The following CCSER1 variants were observed in gnomAD, a reference collection of about 807,000 sequenced individuals.
CCSER1 encodes the protein coiled-coil serine rich protein 1.
A neutral mutation model predicts 82.0 loss-of-function variants in CCSER1; 41 were observed. The observed-to-expected ratio is 0.50, with a 90% CI of 0.39 to 0.65. The LOEUF (loss-of-function observed/expected upper bound fraction) is 0.65. Among genes scored for constraint, CCSER1 ranks in the 30% least tolerant of loss-of-function variants. The pLI, the probability that CCSER1 is intolerant of heterozygous loss-of-function variation, is 0.00. For missense variants in CCSER1, 1,119 were observed against 1,064.2 expected, an observed-to-expected ratio of 1.05 and a Z score of -0.72; for synonymous variants, 414 against 383.9, an observed-to-expected ratio of 1.08 and a Z score of -0.92.
At chr4:91,459,911 C>T (rs962383143) in intron 10 of CCSER1, among the ~76,000 whole-genome samples, 1 of 152,044 alleles carries the variant, frequency 6.6e-6, no homozygotes, top group African/African-American at 2.4e-5. Context: ...AGCTCCTCAC[C>T]TTGCTTGTTA....
At chr4:90,553,965 C>T (rs893220672) in intron 5 of CCSER1, among the ~76,000 whole-genome samples, 7 of 152,100 alleles carry the variant, frequency 4.6e-5, no homozygotes, top group Admixed American at 4.6e-4. Context: ...GAACTCTAGA[C>T]GTACTAGGTA....
chr4:91,281,695 C>T (rs1043346962), intron 10 of CCSER1, among the ~76,000 whole-genome samples: 1 of 152,126 alleles, frequency 6.6e-6, no homozygotes, highest in Non-Finnish European at 1.5e-5. Context: ...TGTGACTTTC[C>T]TGTGATTTAT....
At chr4:90,256,569 C>T (rs1723323755) in intron 1 of CCSER1, among the ~76,000 whole-genome samples, 1 of 152,056 alleles carries the variant, frequency 6.6e-6, no homozygotes, top group African/African-American at 2.4e-5. Flanking sequence ...TGTGAGTAGG[C>T]TGTCAGCAGA....
rs569884705 is a variant in CCSER1, at chr4:91,179,497, A to G, written c.2217+93503A>G. 6.4e-4 allele frequency among the ~76,000 whole-genome samples: 98 copies of G among 152,172 alleles called. 1 individual carries two copies. The highest frequency in any genetic ancestry group is 8.4e-4 in the African/African-American group (35 of 41,484). On this transcript the variant is annotated intron_variant, in intron 10 of 10. Transcript: ENST00000509176. ...CCCATATTTCTTGGAGGCTTTGTTC[A>G]TTTCTTTTTACTGTTTTTTCTCTAA...
At chr4:90,170,076 G>T (rs1197567808) in intron 1 of CCSER1, among the ~76,000 whole-genome samples, 4 of 151,796 alleles carry the variant, frequency 2.6e-5, no homozygotes, top group Admixed American at 1.3e-4. Context: ...TTCTCTAAAA[G>T]TTTCCAAATG....
Position 91,037,814 on chromosome 4 carries a change from A to G in CCSER1, c.2173-48136A>G, listed in dbSNP as rs568136677. 4.6e-5 allele frequency among the ~76,000 whole-genome samples: 7 copies of G among 152,154 alleles called. No individual in the cohort carries two copies. In the South Asian group the frequency reaches 1.4e-3, roughly 31 times the overall value. On this transcript the variant is annotated intron_variant, in intron 9 of 10. Transcript: ENST00000509176. The stretch of plus-strand genomic sequence containing the variant: ...TTTATTTAATAAATAACTACAGAAT[A>G]TCTATATTTAGTAGGAAAATGGAAA...
At chr4:91,592,186 C>T (rs73836291) in intron 10 of CCSER1, among the ~76,000 whole-genome samples, 17,209 of 152,082 alleles carry the variant, frequency 0.11, 998 homozygotes, top group Middle Eastern at 0.18. Context: ...CTTACAATCA[C>T]GGTGGAAGGG....
At chr4:91,028,772 A>G (rs1393798367) in intron 9 of CCSER1, among the ~76,000 whole-genome samples, 2 of 151,974 alleles carry the variant, frequency 1.3e-5, no homozygotes, top group African/African-American at 4.8e-5. Context: ...ATGACTCCCC[A>G]TGGATCTGAA....
chr4:90,961,914 C>T (rs888341966), intron 9 of CCSER1, among the ~76,000 whole-genome samples: 2 of 151,762 alleles, frequency 1.3e-5, no homozygotes, highest in African/African-American at 4.8e-5. Flanking sequence ...CTGATGGCAC[C>T]AACAGAAAAT....
At chr4:91,029,168 T>A (rs537390430) in intron 9 of CCSER1, among the ~76,000 whole-genome samples, 1 of 152,108 alleles carries the variant, frequency 6.6e-6, no homozygotes, top group African/African-American at 2.4e-5. Context: ...TTATCTGAGT[T>A]TTTTTCTCAT....
chr4:90,601,910 A>C (rs1245395642), intron 5 of CCSER1, among the ~76,000 whole-genome samples: 2 of 152,020 alleles, frequency 1.3e-5, no homozygotes, highest in Non-Finnish European at 2.9e-5. Flanking sequence ...TGGTCAGAGA[A>C]CCTACTTTGT....
chr4:91,219,853 G>A (rs930660935), intron 10 of CCSER1, among the ~76,000 whole-genome samples: 1 of 152,112 alleles, frequency 6.6e-6, no homozygotes, highest in African/African-American at 2.4e-5. Flanking sequence ...GTTAGGATTA[G>A]TATCTGTCTC....
intron 8 of CCSER1, among the ~76,000 whole-genome samples, chr4:90,895,936 C>G (rs1723642808): frequency 6.6e-6 from 1 of 151,728 alleles, no homozygotes; most frequent in Non-Finnish European, 1.5e-5. Flanking sequence ...AGTTTAGCTG[C>G]AGTATGGAGC....
chr4:91,457,527 A>G (rs1014772727), intron 10 of CCSER1, among the ~76,000 whole-genome samples: 66 of 152,216 alleles, frequency 4.3e-4, no homozygotes, highest in African/African-American at 1.6e-3. Context: ...ATAATTAGTC[A>G]TGTGTGGTGG....
chr4:90,138,425 C>T (rs1165300277), intron 1 of CCSER1, among the ~76,000 whole-genome samples: 2 of 152,196 alleles, frequency 1.3e-5, no homozygotes, highest in African/African-American at 4.8e-5. Flanking sequence ...CTGAATCCTA[C>T]CCTAGGCTCA....
intron 7 of CCSER1, chr4:90,781,127 G>A: frequency 3.9e-6 from 1 of 255,734 alleles, no homozygotes; most frequent in Non-Finnish European, 6.1e-6. Context: ...CAGCCATGAG[G>A]GATCCACCCT....
intron 5 of CCSER1, among the ~76,000 whole-genome samples, chr4:90,626,806 A>G (rs2148906160): frequency 6.6e-6 from 1 of 152,308 alleles, no homozygotes; most frequent in East Asian, 1.9e-4. Context: ...TAACACCTAT[A>G]AGGACATTAC....
intron 7 of CCSER1, among the ~76,000 whole-genome samples, chr4:90,746,519 T>C (rs1398715577): frequency 2.6e-5 from 4 of 152,188 alleles, no homozygotes; most frequent in Non-Finnish European, 5.9e-5. Context: ...AGTGTCAGCA[T>C]AGCTCAGCCT....
chr4:91,160,756 T>TTG lies in CCSER1; in HGVS notation c.2217+74763_2217+74764insGT, dbSNP rs199861835. On this transcript the variant is annotated intron_variant, in intron 10 of 10. Transcript: ENST00000509176. ...TTTGATGTTGTTGTTGTTGTTGTTG[T>TTG]TTTTTTTGTAAATTTGTTTAAGTTC... Among the ~76,000 whole-genome samples, 1,249 of 149,732 alleles carry TTG rather than the reference T, an allele frequency of 8.3e-3. 8 individuals carry two copies. Among genetic ancestry groups the TTG allele is most frequent in the African/African-American group, 0.02 (775 of 39,596 alleles).
Sources: allele counts gnomAD v4.1 joint callset (sites outside exome capture counted in the v4.1 genomes callset), GRCh38; gene constraint gnomAD v4.1.1; transcripts MANE v1.5; gene names NCBI Gene and HGNC (gene_info 2026-07-23, HGNC 2026-07-21).